The following GOLGB1 variants were observed in gnomAD, a reference collection of about 807,000 sequenced individuals.
GOLGB1 encodes the protein golgin subfamily B member 1.
In GOLGB1, 174 loss-of-function variants were observed where a neutral mutation model predicts 336.9. The ratio of observed to expected loss-of-function variants is 0.52; its 90% CI spans 0.46 to 0.59. GOLGB1 has a LOEUF of 0.59. GOLGB1 is among the 20% of genes least tolerant of loss of function. The probability of loss-of-function intolerance (pLI) is 0.00; values close to 1 mark genes in which losing one functional copy is unlikely to be tolerated. For missense variants in GOLGB1, 3,331 were observed against 3,645.3 expected (o/e 0.91, Z 2.22); for synonymous variants, 1,208 against 1,289.2 (o/e 0.94, Z 1.35).
chr3:121,686,021 G>C (rs554339547), intron 14 of GOLGB1, among the ~76,000 whole-genome samples: 109 of 152,252 alleles, frequency 7.2e-4, no homozygotes, highest in African/African-American at 2.5e-3. Context: ...CCTTGGAGTG[G>C]TAGTTTTAGT....
chr3:121,702,698 C>T (rs541026104), intron 10 of GOLGB1, 103 bp from the exon 11 acceptor site: 1 of 436,966 alleles, frequency 2.3e-6, no homozygotes, highest in Admixed American at 4.0e-5. Context: ...AGTTCTCCAG[C>T]CATGAAAATA....
At chr3:121,681,076 C>A (rs1941020474) in intron 15 of GOLGB1, among the ~76,000 whole-genome samples, 1 of 152,092 alleles carries the variant, frequency 6.6e-6, no homozygotes, top group Admixed American at 6.5e-5. Context: ...AAATTAAAAA[C>A]AATATGCATG....
chr3:121,732,238 T>C (rs1266926547), intron 1 of GOLGB1, among the ~76,000 whole-genome samples: 1 of 152,164 alleles, frequency 6.6e-6, no homozygotes, highest in East Asian at 1.9e-4. Context: ...ATTAAAAACC[T>C]TCTAAAAAAA....
chr3:121,689,648 T>TA (rs60317103), intron 14 of GOLGB1, among the ~76,000 whole-genome samples: 122 of 138,504 alleles, frequency 8.8e-4, no homozygotes, highest in South Asian at 3.6e-3. Context: ...AATGATCAAT[T>TA]AAAAAAAAAA....
chr3:121,720,625 T>C (rs1447817438), intron 6 of GOLGB1, among the ~76,000 whole-genome samples: 2 of 152,192 alleles, frequency 1.3e-5, no homozygotes, highest in African/African-American at 4.8e-5. Context: ...GAAAAACAAA[T>C]CCTCAGAATG....
chr3:121,732,542 A>C (rs1015076088), intron 1 of GOLGB1, among the ~76,000 whole-genome samples: 8 of 152,214 alleles, frequency 5.3e-5, no homozygotes, highest in African/African-American at 1.4e-4. Context: ...AGTGGGGTTC[A>C]AGAAATGTAA....
At chr3:121,748,199 AC>A (rs1008621652) in intron 1 of GOLGB1, among the ~76,000 whole-genome samples, 7 of 152,348 alleles carry the variant, frequency 4.6e-5, no homozygotes, top group African/African-American at 1.7e-4. Flanking sequence ...AAGTATCTTT[AC>A]GTGATTGTCA....
chr3:121,729,149 T>C (rs1200993402), intron 4 of GOLGB1, 39 bp downstream of exon 4: 1 of 1,495,980 alleles, frequency 6.7e-7, no homozygotes, highest in Non-Finnish European at 9.1e-7. Flanking sequence ...GGTAGGTTTT[T>C]TCAACTTAGG....
In GOLGB1 at chr3:121,698,230, T is replaced by C; in HGVS notation, c.2293A>G (p.Thr765Ala). 6.2e-7 allele frequency: 1 copy of C among 1,613,994 alleles called. No individual in the cohort carries two copies. ...LSQVKELSMV[T>A]ELRAQVKQLE... ...TGCTTTACCTGAGCCCTCAATTCTG[T>C]TACCATGCTAAGTTCCTTCACCTGA... Residue 765 changes from threonine (T) to alanine (A), a missense_variant, in exon 13 of 22, where the codon ACA (threonine) becomes GCA (alanine). Thr to Ala is a moderately conservative substitution (Grantham distance 58). Transcript: ENST00000614479.
Position 121,676,920 on chromosome 3 carries a change from C to T in GOLGB1, c.9150G>A (p.Glu3050=). The change falls in exon 17 of 22, where the codon GAG becomes GAA. Residue 3050 remains glutamate (E), a synonymous_variant. Transcript: ENST00000614479. ...NDSLKEIHQK[E]LRIQQLNSNF... ...TGCTGTTCAGTTGCTGAATTCTTAA[C>T]TCCTTTTGGTGAATTTCCTTTAAGC... 3.7e-6 allele frequency: 6 copies of T among 1,613,774 alleles called. No homozygotes were observed. Among genetic ancestry groups the T allele is most frequent in the Non-Finnish European group, 5.1e-6 (6 of 1,179,696 alleles).
Position 121,664,630 on chromosome 3 carries a change from G to C in GOLGB1, c.9661-16C>G. 1 of 1,613,024 alleles carries C rather than the reference G, an allele frequency of 6.2e-7. No homozygotes were observed. The highest frequency in any genetic ancestry group is 8.5e-7 in the Non-Finnish European group (1 of 1,178,970). On this transcript the variant is annotated splice_polypyrimidine_tract_variant and intron_variant, in intron 21 of 21. Coordinates refer to ENST00000614479, the MANE Select transcript of GOLGB1 (RefSeq NM_001366282.2). ...CACTCCGGGTCTGAAAGAAAAATGT[G>C]AAAGTCAGAGAGTTTTCACCCTATA...
rs760139455 is a variant in GOLGB1 at position 121,698,639 on chromosome 3, G to C, written c.1884C>G (p.Pro628=). The change falls in exon 13 of 22, where the codon CCC becomes CCG. Residue 628 remains proline (P), a synonymous_variant. Transcript: ENST00000614479. The part of the protein sequence containing the change: ...VFLEDTGQDF[P]LMPNEESSLP... ...GACTGCTCTCTTCATTTGGCATTAA[G>C]GGAAAATCTTGCCCTGTATCTTCAA... 1.9e-6 allele frequency: 3 copies of C among 1,613,758 alleles called. No individual in the cohort carries two copies. Among genetic ancestry groups the C allele is most frequent in the Non-Finnish European group, 2.5e-6 (3 of 1,179,794 alleles).
At chr3:121,708,887 A>G (rs1944109394) in intron 10 of GOLGB1, among the ~76,000 whole-genome samples, 1 of 152,190 alleles carries the variant, frequency 6.6e-6, no homozygotes, top group Non-Finnish European at 1.5e-5. Flanking sequence ...CAATAATTAC[A>G]TTAAAAGGAC....
In GOLGB1 at chr3:121,690,869, G is replaced by T; in HGVS notation, c.8495C>A (p.Ser2832Tyr). 1 of 1,614,088 alleles carries T rather than the reference G, an allele frequency of 6.2e-7. No homozygotes were observed. The highest frequency in any genetic ancestry group is 2.2e-5 in the East Asian group (1 of 44,888). ...GGAAAAGGACTGCACTTGGTTATAA[G>T]AATCTTCTAGTTGTGAGGACAAGTG... Reference protein sequence around the residue: ...LLHLSSQLEDSYNQVQSFSKA... With the variant: ...LLHLSSQLEDYYNQVQSFSKA... Residue 2832 changes from serine (S) to tyrosine (Y), a missense_variant, in exon 14 of 22, where the codon TCT (serine) becomes TAT (tyrosine). Physicochemically the swap from Ser to Tyr is moderately radical, Grantham distance 144 (BLOSUM62 -2). Coordinates refer to ENST00000614479, the MANE Select transcript of GOLGB1 (RefSeq NM_001366282.2).
intron 12 of GOLGB1, among the ~76,000 whole-genome samples, chr3:121,699,238 A>AT (rs895755434): frequency 1.3e-5 from 2 of 151,986 alleles, no homozygotes; most frequent in Admixed American, 1.3e-4. Flanking sequence ...CTCCTAATTG[A>AT]TTTTTTTTAA....
chr3:121,722,954 G>A (rs1026342226), intron 5 of GOLGB1, among the ~76,000 whole-genome samples: 1 of 152,152 alleles, frequency 6.6e-6, no homozygotes, highest in Non-Finnish European at 1.5e-5. Context: ...GAGCAATCTA[G>A]GCCCCCTGAA....
chr3:121,690,674 C>G lies in GOLGB1; in HGVS notation c.8690G>C (p.Arg2897Thr). 1 of 1,475,942 alleles carries G rather than the reference C, an allele frequency of 6.8e-7. No individual in the cohort carries two copies. The highest frequency in any genetic ancestry group is 2.3e-5 in the East Asian group (1 of 43,740). 91.4% of individuals were successfully genotyped at this position (1,475,942 alleles called of 1,614,324 possible). Residue 2897 changes from arginine (R) to threonine (T), a missense_variant, in exon 14 of 22, where the codon AGA (arginine) becomes ACA (threonine). Transcript: ENST00000614479. ...AAGAAAGAACTAGCTACTCACTAGT[C>G]TGTCTCTGTCATTTTGGAGTGAAGA... ...AMSSLQNDRDRLLKELKNLQQ... is the reference protein window; with the variant it reads ...AMSSLQNDRDTLLKELKNLQQ...
Position 121,664,170 on chromosome 3 carries a change from T to A in GOLGB1, c.*310A>T, listed in dbSNP as rs187590657. Reference sequence around the variant, plus strand: ...CTTGGCTGAAAGACATTCCTCAGTATCTTTTACAGGACCACAAAAGATCAG... The same window carrying A: ...CTTGGCTGAAAGACATTCCTCAGTAACTTTTACAGGACCACAAAAGATCAG... On this transcript the variant is annotated 3_prime_UTR_variant, in exon 22 of 22. Coordinates refer to ENST00000614479, the MANE Select transcript of GOLGB1 (RefSeq NM_001366282.2). 2.3e-4 allele frequency: 71 copies of A among 314,698 alleles called. No individual in the cohort carries two copies. The East Asian group carries it at 2.9e-3, about 13-fold the overall frequency. The allele number at this position is 314,698 out of a possible 1,614,324, so 19.5% of individuals were successfully genotyped here. A position where few individuals can be genotyped will look rare whatever the true frequency, so the allele number is the denominator to read the frequency against.
At chr3:121,672,142 T>C (rs1050481018) in intron 17 of GOLGB1, among the ~76,000 whole-genome samples, 2 of 152,214 alleles carry the variant, frequency 1.3e-5, no homozygotes, top group African/African-American at 2.4e-5. Flanking sequence ...ATTTTCTTTC[T>C]TGTAGATACG....
Sources: gnomAD v4.1 joint callset for allele counts (sites outside exome capture counted in the v4.1 genomes callset) on GRCh38, gnomAD v4.1.1 for gene constraint, MANE v1.5 for transcripts, NCBI Gene and HGNC (gene_info 2026-07-23, HGNC 2026-07-21) for gene names.